The following PLEKHG4B variants were observed in gnomAD, a reference collection of about 807,000 sequenced individuals.
PLEKHG4B encodes the protein pleckstrin homology and RhoGEF domain containing G4B.
A neutral mutation model predicts 121.3 loss-of-function variants in PLEKHG4B; 111 were observed. The observed-to-expected ratio is 0.92, with a 90% CI of 0.78 to 1.07. The LOEUF is 1.07. Ranked by LOEUF, PLEKHG4B falls within the 50% of genes least tolerant of loss-of-function variation. The probability of loss-of-function intolerance (pLI) is 0.00; values close to 1 mark genes in which losing one functional copy is unlikely to be tolerated. For missense variants in PLEKHG4B, 1,831 were observed against 1,757.8 expected (o/e 1.04, Z -0.74); for synonymous variants, 738 against 725.0 (o/e 1.02, Z -0.29).
intron 2 of PLEKHG4B, among the ~76,000 whole-genome samples, chr5:122,431 T>G (rs1334743549): frequency 6.6e-6 from 1 of 151,992 alleles, no homozygotes; most frequent in African/African-American, 2.4e-5. Flanking sequence ...ATTTATTTAT[T>G]TATTTTTAGA....
rs761438714 is a variant in PLEKHG4B at position 182,086 on chromosome 5, C to G, written c.4647C>G (p.Asp1549Glu). The change falls in exon 20 of 20, where the codon GAC (aspartate) becomes GAG (glutamate). Residue 1549 changes from aspartate (D) to glutamate (E), a missense_variant. Physicochemically the swap from Asp to Glu is conservative, Grantham distance 45 (BLOSUM62 2). Transcript: ENST00000637938. ...PFKRPHSTIS[D>E]SSTSSSSSQS... ...AGCGACCACACTCCACCATCTCAGACAGCAGCACCTCCTCTTCTAGCAGCC... is the reference window on the plus strand; with the variant it reads ...AGCGACCACACTCCACCATCTCAGAGAGCAGCACCTCCTCTTCTAGCAGCC... 1.1e-5 allele frequency: 17 copies of G among 1,614,078 alleles called. No individual in the cohort carries two copies. The Admixed American group carries it at 1.5e-4, about 14-fold the overall frequency.
chr5:156,165 T>C lies in PLEKHG4B; in HGVS notation c.2303T>C (p.Val768Ala). ...TCTCTCAGGCTGGAGGGGGGCACCG[T>C]CCTGGCGCGGCTGAGGAGAGAAGAG... ...LVSLRLEGGT[V>A]LARLRREELG... Residue 768 changes from valine to alanine, a missense_variant, in exon 10 of 20, where the codon GTC (valine) becomes GCC (alanine). Physicochemically the swap from Val to Ala is moderately conservative, Grantham distance 64. Coordinates refer to ENST00000637938, the MANE Select transcript of PLEKHG4B (RefSeq NM_052909.5). This position sits in a 1 kb window ranked among gnomAD's most constrained non-coding sequence, Gnocchi z 4.4. 6.3e-7 allele frequency: 1 copy of C among 1,585,626 alleles called. No homozygotes were observed.
rs1735287611 is a variant in PLEKHG4B, at chr5:143,229, C to G, written c.1660C>G (p.Leu554Val). 1 of 1,610,644 alleles carries G rather than the reference C, an allele frequency of 6.2e-7. No homozygotes were observed. The highest frequency in any genetic ancestry group is 8.5e-7 in the Non-Finnish European group (1 of 1,180,022). ...KQVLDVSQEL[L>V]QSGVVTLPGT... The stretch of plus-strand genomic sequence containing the variant: ...GGTGCTGGACGTCAGTCAGGAGCTG[C>G]TGCAGTCCGGGGTCGTCACCCTCCC... The change falls in exon 4 of 20, where the codon CTG (leucine) becomes GTG (valine). Residue 554 changes from leucine (L) to valine (V), a missense_variant. Physicochemically the swap from Leu to Val is conservative, Grantham distance 32. Transcript: ENST00000637938.
chr5:164,571 C>T (rs1444782884), intron 13 of PLEKHG4B, among the ~76,000 whole-genome samples: 1 of 99,036 alleles, frequency 1.0e-5, no homozygotes, highest in African/African-American at 5.1e-5. Context: ...TGACAGGGGG[C>T]GGAGCTCACA....
rs139303216 is a variant in PLEKHG4B, at chr5:129,168, A to G, written c.244-10315A>G. 5.2e-4 allele frequency among the ~76,000 whole-genome samples: 79 copies of G among 152,256 alleles called. No homozygotes were observed. In the East Asian group the frequency reaches 0.013, roughly 26 times the overall value. On this transcript the variant is annotated intron_variant, in intron 2 of 19. Transcript: ENST00000637938. ...CTGTAGAGAATCTCCTTCCCTTTCTAGGTCTTCTCCTGACCCAGGAGAGGG... is the reference window on the plus strand; with the variant it reads ...CTGTAGAGAATCTCCTTCCCTTTCTGGGTCTTCTCCTGACCCAGGAGAGGG...
At chr5:93,080 A>T (rs1168060234) in intron 1 of PLEKHG4B, among the ~76,000 whole-genome samples, 2 of 152,268 alleles carry the variant, frequency 1.3e-5, no homozygotes, top group South Asian at 2.1e-4. Context: ...ACCCAACAGC[A>T]CTTTTGCCTA....
At chr5:169,738 C>A in intron 14 of PLEKHG4B, 146 bp downstream of exon 14, 1 of 1,275,730 alleles carries the variant, frequency 7.8e-7, no homozygotes, top group South Asian at 1.5e-5. Flanking sequence ...ATGTTAAGAC[C>A]AGCCGAAAAA....
rs1050495734 is a variant in PLEKHG4B at position 169,575 on chromosome 5, C to T, written c.3712C>T (p.Arg1238Cys). 10 of 1,613,336 alleles carry T rather than the reference C, an allele frequency of 6.2e-6. No individual in the cohort carries two copies. Among genetic ancestry groups the T allele is most frequent in the East Asian group, 2.2e-5 (1 of 44,900 alleles). Residue 1238 changes from arginine to cysteine, a missense_variant, in exon 14 of 20, where the codon CGC becomes TGC. Physicochemically the swap from Arg to Cys is radical, Grantham distance 180. Coordinates refer to ENST00000637938, the MANE Select transcript of PLEKHG4B (RefSeq NM_052909.5). ...RCQHCPLAVG[R>C]SFLRHEEQFG... ...CCAGCACTGCCCCTTGGCCGTGGGC[C>T]GCAGTTTCCTGAGACACGTAAGTGC... is the stretch of plus-strand genomic sequence containing the variant.
Position 161,836 on chromosome 5 carries a change from GGAAA to G in PLEKHG4B, c.2542_2545del (p.Glu848TrpfsTer9). ...CGAAGGAGAACCCGCAACGTACAGAGGAAATGGTCCAGGATTTCAGAAGGGGCCT... is the reference window on the plus strand; with the variant it reads ...CGAAGGAGAACCCGCAACGTACAGAGTGGTCCAGGATTTCAGAAGGGGCCT... On this transcript the variant is annotated frameshift_variant, in exon 12 of 20. Transcript: ENST00000637938. LOFTEE classifies it high-confidence loss of function. The G allele has an allele frequency of 1.2e-6, 2 of 1,613,986 alleles. No homozygotes were observed. The highest frequency in any genetic ancestry group is 1.7e-6 in the Non-Finnish European group (2 of 1,180,040).
chr5:106,673 C>T (rs1258772715), intron 1 of PLEKHG4B, among the ~76,000 whole-genome samples: 8 of 152,184 alleles, frequency 5.3e-5, no homozygotes, highest in Non-Finnish European at 1.0e-4. Context: ...CGAGTGGCTC[C>T]CCCTGCAGCA....
In PLEKHG4B at chr5:145,066, T is replaced by C. The variant is rs1735361904; in HGVS notation, c.1905+146T>C. 1.1e-5 allele frequency: 7 copies of C among 644,210 alleles called. No individual in the cohort carries two copies. In the East Asian group the frequency reaches 2.0e-4, roughly 19 times the overall value. 39.9% of individuals were successfully genotyped at this position (644,210 alleles called of 1,614,324 possible). On this transcript the variant is annotated intron_variant, in intron 6 of 19. Coordinates refer to ENST00000637938, the MANE Select transcript of PLEKHG4B (RefSeq NM_052909.5). The stretch of plus-strand genomic sequence containing the variant: ...ATGGGGGCCCCTGTGCAGAGCCACC[T>C]CCTTCTTGGGGTCTTCCCAGTGAGT...
chr5:97,878 G>C (rs575292386), intron 1 of PLEKHG4B, among the ~76,000 whole-genome samples: 83 of 152,228 alleles, frequency 5.5e-4, no homozygotes, highest in African/African-American at 1.9e-3. Context: ...CTCCATAGCA[G>C]CTGCACCATT....
chr5:156,731 A>C lies in PLEKHG4B; in HGVS notation c.2349-42A>C. The C allele has an allele frequency of 2.6e-6, 4 of 1,526,902 alleles. No homozygotes were observed. Among genetic ancestry groups the C allele is most frequent in the Non-Finnish European group, 3.5e-6 (4 of 1,132,354 alleles). The allele number at this position is 1,526,902 out of a possible 1,614,324, so 94.6% of individuals were successfully genotyped here. ...GTTGTCACCAAGAGCAGATTCCTCA[A>C]GGGGCCGCCTGGAAGCCTGAGGACT... On this transcript the variant is annotated intron_variant, in intron 10 of 19. Coordinates refer to ENST00000637938, the MANE Select transcript of PLEKHG4B (RefSeq NM_052909.5). The surrounding 1 kb of genome is among the most constrained non-coding windows in gnomAD (Gnocchi z 4.4).
chr5:143,011 CCTT>C lies in PLEKHG4B; in HGVS notation c.1478-34_1478-32del, dbSNP rs774853579. On this transcript the variant is annotated intron_variant, in intron 3 of 19. Coordinates refer to ENST00000637938, the MANE Select transcript of PLEKHG4B (RefSeq NM_052909.5). ...CAGCTGCTTTCAACGCGCAGGAAAA[CCTT>C]CATCTTTGACACGGCCTCTTTCCTT... 10 of 1,591,924 alleles carry C rather than the reference CCTT, an allele frequency of 6.3e-6. No individual in the cohort carries two copies. In the Admixed American group the frequency reaches 1.0e-4, roughly 16 times the overall value.
At chr5:142,142 T>C (rs1165122938) in intron 3 of PLEKHG4B, among the ~76,000 whole-genome samples, 1 of 152,182 alleles carries the variant, frequency 6.6e-6, no homozygotes, top group African/African-American at 2.4e-5. Flanking sequence ...GGGGCAACAC[T>C]ACCTGAGAGT....
intron 6 of PLEKHG4B, among the ~76,000 whole-genome samples, chr5:150,299 GC>G (rs1735565178): frequency 6.6e-6 from 1 of 152,190 alleles, no homozygotes; most frequent in Non-Finnish European, 1.5e-5. Flanking sequence ...ACTCAGAGTA[GC>G]CCAGATCCCA....
chr5:113,429 A>G lies in PLEKHG4B; in HGVS notation c.224A>G (p.His75Arg). 1 of 399,050 alleles carries G rather than the reference A, an allele frequency of 2.5e-6. No individual in the cohort carries two copies. The highest frequency in any genetic ancestry group is 4.4e-6 in the Non-Finnish European group (1 of 226,092). The allele number at this position is 399,050 out of a possible 1,614,324, so 24.7% of individuals were successfully genotyped here. A position where few individuals can be genotyped will look rare whatever the true frequency, so the allele number is the denominator to read the frequency against. Residue 75 changes from histidine (H) to arginine (R), a missense_variant, in exon 2 of 20, where the codon CAC becomes CGC. Physicochemically the swap from His to Arg is conservative, Grantham distance 29 (BLOSUM62 0). Transcript: ENST00000637938. The surrounding 1 kb of genome is among the most constrained non-coding windows in gnomAD (Gnocchi z 5.2). ...CTCCCAGCCAAGAGGGCCCTGCAGC[A>G]CCTGCAGCAGGAAGCCTGTGTGAGT... ...FLLPAKRALQ[H>R]LQQEACARYR...
chr5:172,492 A>C (rs1023702013), intron 16 of PLEKHG4B, among the ~76,000 whole-genome samples: 1 of 152,232 alleles, frequency 6.6e-6, no homozygotes, highest in Non-Finnish European at 1.5e-5. Flanking sequence ...AGTTCCATCA[A>C]AATGGACGCG....
At chr5:138,484 C>T (rs916574123) in intron 2 of PLEKHG4B, among the ~76,000 whole-genome samples, 4 of 152,208 alleles carry the variant, frequency 2.6e-5, no homozygotes, top group South Asian at 2.1e-4. Context: ...TTGAGAATAA[C>T]CTTTCCCCAT....
Sources: gnomAD v4.1 joint callset for allele counts (sites outside exome capture counted in the v4.1 genomes callset) on GRCh38, gnomAD v4.1.1 for gene constraint, Gnocchi (gnomAD v3.1) non-coding constraint, MANE v1.5 for transcripts, NCBI Gene and HGNC (gene_info 2026-07-23, HGNC 2026-07-21) for gene names.